SPAG16: variants seen among roughly 807,000 people sequenced by gnomAD.
The protein encoded by SPAG16 is sperm associated antigen 16.
SPAG16 carries 86 observed loss-of-function variants against 80.4 expected under a neutral mutation model. That is an observed-to-expected ratio of 1.07 (90% CI 0.90 to 1.28). The LOEUF (loss-of-function observed/expected upper bound fraction) is 1.28. Ranked by LOEUF, SPAG16 falls within the 50% of genes most tolerant of loss-of-function variation. The pLI, the probability that SPAG16 is intolerant of heterozygous loss-of-function variation, is 0.00. For missense variants in SPAG16, 870 were observed against 765.3 expected, an observed-to-expected ratio of 1.14 and a Z score of -1.61; for synonymous variants, 294 against 265.9, an observed-to-expected ratio of 1.11 and a Z score of -1.03.
intron 15 of SPAG16, among the ~76,000 whole-genome samples, chr2:214,267,787 G>GAAATAGAA (rs1691690592): frequency 6.6e-6 from 1 of 151,542 alleles, no homozygotes. Flanking sequence ...ATTCTTCACA[G>GAAATAGAA]AAATAGAAAA....
intron 10 of SPAG16, among the ~76,000 whole-genome samples, chr2:213,688,344 AG>A (rs900103905): frequency 1.3e-5 from 2 of 152,196 alleles, no homozygotes; most frequent in African/African-American, 2.4e-5. Context: ...CAGGAATGGG[AG>A]GGCCTGGGAA....
chr2:213,548,313 C>T (rs577050031), intron 10 of SPAG16, among the ~76,000 whole-genome samples: 2 of 152,220 alleles, frequency 1.3e-5, no homozygotes, highest in East Asian at 3.9e-4. Flanking sequence ...CCCAGGTTCA[C>T]GCCGTTCTCC....
chr2:214,360,512 G>C (rs539581532), intron 15 of SPAG16, among the ~76,000 whole-genome samples: 15 of 151,908 alleles, frequency 9.9e-5, no homozygotes, highest in African/African-American at 3.4e-4. Context: ...ATATTGTTAA[G>C]CAAGATTGTG....
At chr2:213,964,847 C>T (rs1193646886) in intron 12 of SPAG16, among the ~76,000 whole-genome samples, 1 of 152,166 alleles carries the variant, frequency 6.6e-6, no homozygotes, top group African/African-American at 2.4e-5. Flanking sequence ...TAACATCTAG[C>T]TCTTTATTGA....
At chr2:214,204,549 C>T (rs948512096) in intron 15 of SPAG16, among the ~76,000 whole-genome samples, 5 of 152,182 alleles carry the variant, frequency 3.3e-5, no homozygotes, top group South Asian at 2.1e-4. Context: ...CTGGTAGTTC[C>T]ACTGGATGGC....
intron 10 of SPAG16, among the ~76,000 whole-genome samples, chr2:213,534,826 T>C (rs2076187677): frequency 1.3e-5 from 2 of 152,116 alleles, no homozygotes; most frequent in Admixed American, 6.6e-5. Context: ...AATTCATATG[T>C]TGACATTCTA....
At chr2:213,534,983 G>A (rs1033824813) in intron 10 of SPAG16, among the ~76,000 whole-genome samples, 7 of 152,038 alleles carry the variant, frequency 4.6e-5, no homozygotes, top group Non-Finnish European at 1.5e-5. Context: ...GACACACAAA[G>A]CAGGACCGTG....
chr2:213,751,622 T>C (rs1394776976), intron 10 of SPAG16, among the ~76,000 whole-genome samples: 2 of 152,202 alleles, frequency 1.3e-5, no homozygotes, highest in Non-Finnish European at 1.5e-5. Flanking sequence ...TATCTTCTAT[T>C]TTCTGCACTG....
intron 10 of SPAG16, among the ~76,000 whole-genome samples, chr2:213,498,824 C>T (rs544172140): frequency 1.3e-5 from 2 of 152,154 alleles, no homozygotes; most frequent in East Asian, 3.9e-4. Context: ...ACATGCAATC[C>T]ATCACTTAAG....
At chr2:214,134,133 C>T (rs1402016963) in intron 14 of SPAG16, among the ~76,000 whole-genome samples, 5 of 152,212 alleles carry the variant, frequency 3.3e-5, no homozygotes, top group Non-Finnish European at 5.9e-5. Context: ...TAGTTTCTGA[C>T]TGATCTCCAA....
intron 9 of SPAG16, among the ~76,000 whole-genome samples, chr2:213,387,599 C>G (rs945677135): frequency 7.4e-6 from 1 of 134,838 alleles, no homozygotes; most frequent in Non-Finnish European, 1.6e-5. Flanking sequence ...GGACTACAGG[C>G]GCCCGCCACC....
chr2:213,887,269 A>G (rs1399358915), intron 11 of SPAG16, among the ~76,000 whole-genome samples: 1 of 152,038 alleles, frequency 6.6e-6, no homozygotes, highest in Non-Finnish European at 1.5e-5. Flanking sequence ...CCTATCAAGC[A>G]TCTATTGTTG....
In SPAG16 at chr2:213,412,663, T is replaced by G. The variant is rs188871147; in HGVS notation, c.942+37544T>G. On this transcript the variant is annotated intron_variant, in intron 9 of 15. Transcript: ENST00000331683. ...GTTTGGCTTTTCACTTCTCACTAGT[T>G]TCCTACCCTCCAGAATTTCCCATTT... 5.0e-3 allele frequency among the ~76,000 whole-genome samples: 756 copies of G among 152,262 alleles called. 10 individuals are homozygous for G. Among genetic ancestry groups the G allele is most frequent in the Non-Finnish European group, 6.5e-3 (444 of 68,028 alleles).
intron 3 of SPAG16, among the ~76,000 whole-genome samples, chr2:213,299,935 T>C (rs2062666089): frequency 6.6e-6 from 1 of 152,140 alleles, no homozygotes; most frequent in Non-Finnish European, 1.5e-5. Flanking sequence ...GATATTTGTA[T>C]GTAAATATAT....
chr2:213,455,715 C>T (rs1119234), intron 9 of SPAG16, among the ~76,000 whole-genome samples: 1 of 152,164 alleles, frequency 6.6e-6, no homozygotes, highest in South Asian at 2.1e-4. Context: ...GTTTGCGCTC[C>T]TGTGATAATA....
At chr2:214,375,512 C>T (rs773465628) in intron 15 of SPAG16, among the ~76,000 whole-genome samples, 3 of 152,118 alleles carry the variant, frequency 2.0e-5, no homozygotes, top group Non-Finnish European at 4.4e-5. Context: ...GCACGCTAGA[C>T]ACCTGTCCAT....
chr2:214,188,696 G>A (rs2057558703), intron 15 of SPAG16, among the ~76,000 whole-genome samples: 1 of 152,096 alleles, frequency 6.6e-6, no homozygotes, highest in Non-Finnish European at 1.5e-5. Context: ...TTTACCTGCT[G>A]TGGTTCTGAA....
At chr2:213,565,657 C>T (rs1436209105) in intron 10 of SPAG16, among the ~76,000 whole-genome samples, 1 of 152,046 alleles carries the variant, frequency 6.6e-6, no homozygotes, top group Admixed American at 6.6e-5. Context: ...TGTCAGGAAG[C>T]GAAACTTAGA....
chr2:213,835,712 A>T (rs1416103427), intron 10 of SPAG16, among the ~76,000 whole-genome samples: 1 of 152,186 alleles, frequency 6.6e-6, no homozygotes, highest in Non-Finnish European at 1.5e-5. Context: ...CTGATTTGGC[A>T]TGTTAATATT....
Sources: allele counts gnomAD v4.1 joint callset (sites outside exome capture counted in the v4.1 genomes callset), GRCh38; gene constraint gnomAD v4.1.1; transcripts MANE v1.5; gene names NCBI Gene and HGNC (gene_info 2026-07-23, HGNC 2026-07-21).